KIAA1958: variants seen among roughly 807,000 people sequenced by gnomAD.
The protein encoded by KIAA1958 is uncharacterized protein KIAA1958.
Under a neutral mutation model 47.2 loss-of-function variants are expected in KIAA1958, and 14 were observed. The observed-to-expected ratio is 0.30, with a 90% CI of 0.20 to 0.46. The LOEUF is 0.46. Among genes scored for constraint, KIAA1958 ranks in the 20% least tolerant of loss-of-function variants. KIAA1958 has a pLI of 1.00. For synonymous variants in KIAA1958, 354 were observed against 353.3 expected (o/e 1.00, Z -0.02); for missense variants, 803 against 909.2 (o/e 0.88, Z 1.50).
intron 2 of KIAA1958, among the ~76,000 whole-genome samples, chr9:112,630,919 T>C (rs559972367): frequency 6.6e-6 from 1 of 152,230 alleles, no homozygotes; most frequent in Non-Finnish European, 1.5e-5. Context: ...TTTCATAGTA[T>C]TTAAACGAGG....
At chr9:112,568,809 G>T (rs1253011088) in intron 1 of KIAA1958, among the ~76,000 whole-genome samples, 1 of 149,248 alleles carries the variant, frequency 6.7e-6, no homozygotes. Context: ...GGTTACCGGA[G>T]CCCAGGGGGC....
chr9:112,504,142 G>A (rs1350863952), intron 1 of KIAA1958, among the ~76,000 whole-genome samples: 3 of 150,974 alleles, frequency 2.0e-5, no homozygotes, highest in Non-Finnish European at 4.4e-5. Flanking sequence ...TTTTAATTAT[G>A]TATTAATCTT....
chr9:112,641,707 T>C (rs1447217584), intron 2 of KIAA1958, among the ~76,000 whole-genome samples: 2 of 152,194 alleles, frequency 1.3e-5, no homozygotes, highest in African/African-American at 4.8e-5. Flanking sequence ...TAACTTCTTA[T>C]GTCTTTGCCT....
At chr9:112,645,019 C>T (rs1836952066) in intron 2 of KIAA1958, among the ~76,000 whole-genome samples, 1 of 109,694 alleles carries the variant, frequency 9.1e-6, no homozygotes, top group South Asian at 2.6e-4. Flanking sequence ...CCTATAATCC[C>T]AGCTACTTGG....
At chr9:112,605,779 C>G (rs975800032) in intron 2 of KIAA1958, among the ~76,000 whole-genome samples, 3 of 152,180 alleles carry the variant, frequency 2.0e-5, no homozygotes, top group African/African-American at 7.2e-5. Context: ...ACTGCTCCTC[C>G]TTCTGCTCTT....
At chr9:112,535,408 G>A (rs1048538754) in intron 1 of KIAA1958, among the ~76,000 whole-genome samples, 7 of 152,052 alleles carry the variant, frequency 4.6e-5, no homozygotes, top group Non-Finnish European at 1.0e-4. Flanking sequence ...TGTCACAAAT[G>A]ATAGGATTTC....
intron 1 of KIAA1958, among the ~76,000 whole-genome samples, chr9:112,529,538 G>C (rs1448032388): frequency 6.6e-6 from 1 of 152,158 alleles, no homozygotes; most frequent in Non-Finnish European, 1.5e-5. Flanking sequence ...AGACATACTG[G>C]TGAGGTATTC....
At chr9:112,586,059 C>T (rs570249800) in intron 2 of KIAA1958, among the ~76,000 whole-genome samples, 1 of 152,262 alleles carries the variant, frequency 6.6e-6, no homozygotes, top group African/African-American at 2.4e-5. Context: ...TCTCAAACAC[C>T]CCTAGTTTAA....
chr9:112,574,131 C>T lies in KIAA1958; in HGVS notation c.51C>T (p.Ser17=), dbSNP rs766512203. 7 of 1,612,314 alleles carry T rather than the reference C, an allele frequency of 4.3e-6. No homozygotes were observed. Among genetic ancestry groups the T allele is most frequent in the South Asian group, 1.1e-5 (1 of 90,764 alleles). The change falls in exon 2 of 4, where the codon AGC becomes AGT. Residue 17 remains serine, a synonymous_variant. Coordinates refer to ENST00000337530, the MANE Select transcript of KIAA1958 (RefSeq NM_133465.4). ...CTGAGAATCTGTCCAAATTGGTCAG[C>T]TGGGCCCATAGCCATGGGACTATTT... ...TSSENLSKLV[S]WAHSHGTICS...
At chr9:112,495,669 A>G (rs1210506524) in intron 1 of KIAA1958, among the ~76,000 whole-genome samples, 2 of 152,222 alleles carry the variant, frequency 1.3e-5, no homozygotes, top group African/African-American at 2.4e-5. Flanking sequence ...GTGACTCATT[A>G]GTTCTACTGT....
At chr9:112,648,999 A>G (rs1294753420) in intron 3 of KIAA1958, among the ~76,000 whole-genome samples, 1 of 152,198 alleles carries the variant, frequency 6.6e-6, no homozygotes. Context: ...AAGTAGAGAC[A>G]TGGAAAATAT....
chr9:112,585,428 G>C (rs532231069), intron 2 of KIAA1958, among the ~76,000 whole-genome samples: 1 of 152,244 alleles, frequency 6.6e-6, no homozygotes, highest in African/African-American at 2.4e-5. Context: ...TGTAGCTTGA[G>C]AATATATCTC....
chr9:112,525,157 A>T, intron 1 of KIAA1958, among the ~76,000 whole-genome samples: 1 of 152,146 alleles, frequency 6.6e-6, no homozygotes, highest in East Asian at 1.9e-4. Flanking sequence ...TCCACAGGAG[A>T]TTATAACACA....
chr9:112,629,131 G>T (rs1389657390), intron 2 of KIAA1958, among the ~76,000 whole-genome samples: 1 of 151,972 alleles, frequency 6.6e-6, no homozygotes, highest in Non-Finnish European at 1.5e-5. Context: ...TCTATCCCTT[G>T]GAAGTTAATT....
intron 3 of KIAA1958, among the ~76,000 whole-genome samples, chr9:112,656,007 G>A (rs1363899353): frequency 6.6e-6 from 1 of 151,958 alleles, no homozygotes; most frequent in Non-Finnish European, 1.5e-5. Flanking sequence ...GGGAAAGGAG[G>A]GAAACAAAGG....
intron 1 of KIAA1958, among the ~76,000 whole-genome samples, chr9:112,568,038 A>T (rs923401176): frequency 5.9e-5 from 9 of 152,142 alleles, no homozygotes; most frequent in African/African-American, 1.4e-4. Context: ...TTACATTTTT[A>T]AAAATTTTTA....
intron 1 of KIAA1958, among the ~76,000 whole-genome samples, chr9:112,564,493 C>G (rs1481243451): frequency 6.6e-6 from 1 of 152,150 alleles, no homozygotes; most frequent in Admixed American, 6.5e-5. Flanking sequence ...TAACTAGGGA[C>G]TCACTGTTAT....
At chr9:112,548,478 A>G (rs556429137) in intron 1 of KIAA1958, among the ~76,000 whole-genome samples, 1 of 152,318 alleles carries the variant, frequency 6.6e-6, no homozygotes, top group Admixed American at 6.5e-5. Flanking sequence ...GGGCTGTGTC[A>G]TGTGCCATGG....
In KIAA1958 at chr9:112,574,191, T is replaced by C; in HGVS notation, c.111T>C (p.Ser37=). ...TTCCAAACCTGAAACACTTGCTTTC[T>C]GAAGGTTCCCATGGGAACCTGACAG... ...SLIPNLKHLL[S]EGSHGNLTAM... Residue 37 remains serine (S), a synonymous_variant, in exon 2 of 4, where the codon TCT becomes TCC. Transcript: ENST00000337530. 6.2e-7 allele frequency: 1 copy of C among 1,614,138 alleles called. No homozygotes were observed. Among genetic ancestry groups the C allele is most frequent in the Admixed American group, 1.7e-5 (1 of 60,024 alleles).
Sources: allele counts gnomAD v4.1 joint callset (sites outside exome capture counted in the v4.1 genomes callset), GRCh38; gene constraint gnomAD v4.1.1; transcripts MANE v1.5; gene names NCBI Gene and HGNC (gene_info 2026-07-23, HGNC 2026-07-21).